Variants in BACH2 observed in about 807,000 individuals in gnomAD.
BACH2 encodes transcription regulator protein BACH2.
Under a neutral mutation model 61.8 loss-of-function variants are expected in BACH2, and 5 were observed. The observed-to-expected ratio is 0.08, with a 90% CI of 0.04 to 0.17. The LOEUF is 0.17. Ranked by LOEUF, BACH2 falls within the 10% of genes least tolerant of loss-of-function variation. The pLI, the probability that BACH2 is intolerant of heterozygous loss-of-function variation, is 1.00. For synonymous variants in BACH2, 446 were observed against 440.1 expected, an observed-to-expected ratio of 1.01 and a Z score of -0.17; for missense variants, 824 against 1,091.1, an observed-to-expected ratio of 0.76 and a Z score of 3.45.
intron 5 of BACH2, among the ~76,000 whole-genome samples, chr6:90,026,691 C>T (rs752104194): frequency 2.0e-5 from 3 of 152,142 alleles, no homozygotes; most frequent in Non-Finnish European, 4.4e-5. Context: ...CTGTTGCCTG[C>T]CCCAGCTCCT....
chr6:89,977,650 A>C (rs1413336813), intron 6 of BACH2, among the ~76,000 whole-genome samples: 3 of 152,230 alleles, frequency 2.0e-5, no homozygotes, highest in African/African-American at 7.2e-5. Context: ...TAAACCTTAG[A>C]TCTGTCAAGC....
intron 6 of BACH2, among the ~76,000 whole-genome samples, chr6:89,989,766 A>T (rs1376762264): frequency 1.3e-5 from 2 of 152,122 alleles, no homozygotes; most frequent in Non-Finnish European, 2.9e-5. Flanking sequence ...GGGGAGGAGG[A>T]ATCTGAATAA....
At chr6:89,992,681 A>C (rs1321683563) in intron 6 of BACH2, among the ~76,000 whole-genome samples, 1 of 152,174 alleles carries the variant, frequency 6.6e-6, no homozygotes, top group Admixed American at 6.5e-5. Context: ...ACAAAAAAAA[A>C]CAAAGAAATT....
rs540325718 is a variant in BACH2 at position 90,215,270 on chromosome 6, A to G, written c.-274-8589T>C. Among the ~76,000 whole-genome samples, 245 of 152,308 alleles carry G rather than the reference A, an allele frequency of 1.6e-3. 1 individual carries two copies. Among genetic ancestry groups the G allele is most frequent in the Non-Finnish European group, 2.4e-4 (16 of 68,046 alleles). ...CTATGAACCCCAGAGCTATTCAAAC[A>G]GTGTAACCCTGGGTTTCCATCCCCC... On this transcript the variant is annotated intron_variant, in intron 3 of 8. Coordinates refer to ENST00000257749, the MANE Select transcript of BACH2 (RefSeq NM_021813.4).
intron 4 of BACH2, among the ~76,000 whole-genome samples, chr6:90,115,451 A>C (rs1783356877): frequency 6.6e-6 from 1 of 152,212 alleles, no homozygotes. Context: ...TGGTGCTGGG[A>C]TAACTGGCTA....
At chr6:90,274,338 A>C (rs117869873) in intron 1 of BACH2, among the ~76,000 whole-genome samples, 89 of 152,300 alleles carry the variant, frequency 5.8e-4, no homozygotes, top group Non-Finnish European at 1.1e-3. Context: ...CACACAACAA[A>C]AACAAAACAA....
intron 8 of BACH2, among the ~76,000 whole-genome samples, chr6:89,935,214 T>C (rs953990872): frequency 9.2e-5 from 14 of 152,010 alleles, no homozygotes; most frequent in African/African-American, 2.9e-4. Context: ...TGTCAGGACA[T>C]AGCATCCTCA....
intron 6 of BACH2, among the ~76,000 whole-genome samples, chr6:89,976,643 G>A (rs952828532): frequency 2.6e-5 from 4 of 152,232 alleles, no homozygotes; most frequent in South Asian, 2.1e-4. Context: ...CCACTAAAAC[G>A]AAACAATCAC....
chr6:89,966,041 A>G (rs1032372262), intron 6 of BACH2, among the ~76,000 whole-genome samples: 15 of 152,350 alleles, frequency 9.8e-5, no homozygotes, highest in African/African-American at 3.4e-4. Flanking sequence ...TGTATGTATC[A>G]GCTTCTCAAG....
intron 5 of BACH2, among the ~76,000 whole-genome samples, chr6:90,068,182 T>C (rs1455755121): frequency 1.3e-5 from 2 of 152,206 alleles, no homozygotes; most frequent in South Asian, 4.1e-4. Context: ...CATCCCATTA[T>C]GGAATTAAGT....
chr6:90,253,398 A>G (rs1433920860), intron 2 of BACH2, among the ~76,000 whole-genome samples: 1 of 152,232 alleles, frequency 6.6e-6, no homozygotes, highest in Non-Finnish European at 1.5e-5. Flanking sequence ...TAACTTTGAA[A>G]AAGACTTTAT....
At chr6:89,968,090 A>C (rs566684144) in intron 6 of BACH2, among the ~76,000 whole-genome samples, 1 of 152,368 alleles carries the variant, frequency 6.6e-6, no homozygotes, top group East Asian at 1.9e-4. Flanking sequence ...GCCTAGATGC[A>C]CTGCTGACTC....
chr6:90,270,082 T>C (rs546433257), intron 2 of BACH2, among the ~76,000 whole-genome samples: 20 of 152,314 alleles, frequency 1.3e-4, no homozygotes, highest in South Asian at 6.2e-4. Flanking sequence ...TATGGCTGAG[T>C]AGTATTTCAT....
intron 4 of BACH2, among the ~76,000 whole-genome samples, chr6:90,186,862 G>A (rs1054370881): frequency 1.6e-4 from 24 of 152,286 alleles, no homozygotes; most frequent in Admixed American, 1.4e-3. Context: ...GTCTCACAAC[G>A]CCTCTGTGTC....
At chr6:90,172,443 T>C (rs1269283244) in intron 4 of BACH2, among the ~76,000 whole-genome samples, 1 of 152,046 alleles carries the variant, frequency 6.6e-6, no homozygotes, top group East Asian at 1.9e-4. Context: ...AATTTTTTTT[T>C]CTGAGATTTT....
intron 5 of BACH2, among the ~76,000 whole-genome samples, chr6:90,033,374 A>T (rs1779109010): frequency 6.6e-6 from 1 of 151,938 alleles, no homozygotes; most frequent in Admixed American, 6.6e-5. Flanking sequence ...AAAAAAAGAA[A>T]ATCAGACCAG....
At chr6:90,245,590 A>T (rs951859147) in intron 3 of BACH2, among the ~76,000 whole-genome samples, 5 of 152,194 alleles carry the variant, frequency 3.3e-5, no homozygotes, top group African/African-American at 1.2e-4. Flanking sequence ...TTTAAAAACA[A>T]AAGAGTAAGC....
chr6:90,175,337 G>A (rs1767951747), intron 4 of BACH2, among the ~76,000 whole-genome samples: 1 of 152,036 alleles, frequency 6.6e-6, no homozygotes, highest in Non-Finnish European at 1.5e-5. Context: ...CTATTACACT[G>A]AAATCATAAG....
chr6:90,014,695 A>C (rs868167577), intron 5 of BACH2, among the ~76,000 whole-genome samples: 1 of 151,086 alleles, frequency 6.6e-6, no homozygotes, highest in Non-Finnish European at 1.5e-5. Context: ...GGATGGTCTC[A>C]ATCTCTTGAC....
Sources: allele counts gnomAD v4.1 joint callset (sites outside exome capture counted in the v4.1 genomes callset), GRCh38; gene constraint gnomAD v4.1.1; transcripts MANE v1.5; gene names NCBI Gene and HGNC (gene_info 2026-07-23, HGNC 2026-07-21).